The following TMEM236 variants were observed in gnomAD, a reference collection of about 807,000 sequenced individuals.
TMEM236 encodes the protein transmembrane protein 236.
In TMEM236, 11 loss-of-function variants were observed where a neutral mutation model predicts 14.7. The observed-to-expected ratio is 0.75, with a 90% CI of 0.47 to 1.24. The LOEUF is 1.24. TMEM236 is among the 50% of genes most tolerant of loss of function. The pLI is 0.00. For synonymous variants in TMEM236, 182 were observed against 168.6 expected (o/e 1.08, Z -0.62); for missense variants, 464 against 427.3 (o/e 1.09, Z -0.76).
chr10:17,762,574 C>CACAT (rs1837383366), intron 1 of TMEM236, among the ~76,000 whole-genome samples: 1 of 53,064 alleles, frequency 1.9e-5, no homozygotes, highest in Admixed American at 2.5e-4. Flanking sequence ...ATCTGAATTT[C>CACAT]ATATATATAT....
At chr10:17,753,758 A>G (rs1159594962) in intron 1 of TMEM236, among the ~76,000 whole-genome samples, 1 of 152,210 alleles carries the variant, frequency 6.6e-6, no homozygotes, top group Non-Finnish European at 1.5e-5. Context: ...CTTTGGGTAT[A>G]TACCCAGTAT....
chr10:17,786,562 T>C (rs1451896142), intron 3 of TMEM236, among the ~76,000 whole-genome samples: 3 of 152,234 alleles, frequency 2.0e-5, no homozygotes, highest in Non-Finnish European at 4.4e-5. Flanking sequence ...GTGTGTATAC[T>C]AATAGTAAGG....
In TMEM236 at chr10:17,800,124, A is replaced by G. The variant is rs1188427085; in HGVS notation, c.*3620A>G. 1 of 151,658 alleles carries G rather than the reference A, an allele frequency of 6.6e-6. No individual in the cohort carries two copies. Among genetic ancestry groups the G allele is most frequent in the African/African-American group, 2.4e-5 (1 of 41,272 alleles). 9.4% of individuals were successfully genotyped at this position (151,658 alleles called of 1,614,324 possible). On this transcript the variant is annotated 3_prime_UTR_variant, in exon 4 of 4. Transcript: ENST00000377495. ...GTGGTGCATGCCTGTAATCCCAGCTACTCGGGAGGCTGAATCAGAATTGCT... is the reference window on the plus strand; with the variant it reads ...GTGGTGCATGCCTGTAATCCCAGCTGCTCGGGAGGCTGAATCAGAATTGCT...
chr10:17,761,367 G>C (rs1589139518), intron 1 of TMEM236, among the ~76,000 whole-genome samples: 1 of 151,920 alleles, frequency 6.6e-6, no homozygotes, highest in African/African-American at 2.4e-5. Flanking sequence ...TTCCCTCCCA[G>C]TCCTTGTCAA....
At chr10:17,768,038 G>T (rs1589143152) in intron 1 of TMEM236, among the ~76,000 whole-genome samples, 1 of 147,716 alleles carries the variant, frequency 6.8e-6, no homozygotes. Flanking sequence ...AGCCTCCCAA[G>T]TAGCTGCGAC....
chr10:17,754,649 A>G (rs1266197433), intron 1 of TMEM236, among the ~76,000 whole-genome samples: 1 of 152,150 alleles, frequency 6.6e-6, no homozygotes, highest in Non-Finnish European at 1.5e-5. Context: ...AAAAATAAAT[A>G]ATTTACTGTG....
rs918214467 is a variant in TMEM236 at position 17,771,351 on chromosome 10, C to T, written c.300C>T (p.Pro100=). 1.9e-6 allele frequency: 3 copies of T among 1,613,840 alleles called. No homozygotes were observed. The highest frequency in any genetic ancestry group is 1.7e-6 in the Non-Finnish European group (2 of 1,179,854). Residue 100 remains proline, a synonymous_variant, in exon 2 of 4, where the codon CCC becomes CCT. Transcript: ENST00000377495. ...LMMCVVLTTL[P]CLTFSIAVTE... ...TGTGTGTGGTCCTCACCACACTGCC[C>T]TGCCTCACCTTTTCCATAGCAGTGA...
intron 1 of TMEM236, among the ~76,000 whole-genome samples, chr10:17,765,135 T>A (rs1837442011): frequency 6.6e-6 from 1 of 152,048 alleles, no homozygotes; most frequent in Admixed American, 6.6e-5. Flanking sequence ...TTTTCCCTTT[T>A]TAAAAGGACA....
At chr10:17,783,604 A>G (rs1837789168) in intron 3 of TMEM236, among the ~76,000 whole-genome samples, 1 of 152,194 alleles carries the variant, frequency 6.6e-6, no homozygotes, top group Non-Finnish European at 1.5e-5. Flanking sequence ...TCCTTAGGTC[A>G]AATGTTCAGA....
At chr10:17,762,685 C>T (rs1007500467) in intron 1 of TMEM236, among the ~76,000 whole-genome samples, 3 of 140,054 alleles carry the variant, frequency 2.1e-5, no homozygotes, top group Non-Finnish European at 3.0e-5. Flanking sequence ...AGGTTTTTGT[C>T]GAGACAGGGT....
At chr10:17,795,581 C>T (rs1475443477) in intron 3 of TMEM236, among the ~76,000 whole-genome samples, 4 of 152,110 alleles carry the variant, frequency 2.6e-5, no homozygotes, top group Admixed American at 1.3e-4. Flanking sequence ...TGTGCTACTT[C>T]AGTGTTATCT....
chr10:17,755,534 A>G (rs1289095006), intron 1 of TMEM236, among the ~76,000 whole-genome samples: 1 of 152,124 alleles, frequency 6.6e-6, no homozygotes, highest in Non-Finnish European at 1.5e-5. Context: ...GAAATAAAGC[A>G]TTATGTTGTT....
At chr10:17,770,824 G>GT (rs1212707544) in intron 1 of TMEM236, among the ~76,000 whole-genome samples, 21 of 150,658 alleles carry the variant, frequency 1.4e-4, no homozygotes, top group South Asian at 6.6e-4. Flanking sequence ...TGTGTGTATG[G>GT]TTTTTTTTGG....
chr10:17,771,844 A>G (rs1837578157), intron 2 of TMEM236, among the ~76,000 whole-genome samples: 2 of 152,240 alleles, frequency 1.3e-5, no homozygotes, highest in Admixed American at 6.5e-5. Context: ...TTGACTAAAT[A>G]TAGCTTCAAA....
chr10:17,753,929 G>A (rs1022785746), intron 1 of TMEM236, among the ~76,000 whole-genome samples: 19 of 152,198 alleles, frequency 1.2e-4, no homozygotes, highest in Admixed American at 2.6e-4. Flanking sequence ...TGAGCAGAGC[G>A]TAAGGATAGA....
rs2130545760 is a variant in TMEM236 at position 17,799,062 on chromosome 10, G to A, written c.*2558G>A. The A allele has an allele frequency of 5.2e-6, 1 of 191,006 alleles. No homozygotes were observed. The highest frequency in any genetic ancestry group is 5.4e-5 in the Admixed American group (1 of 18,630). 11.8% of individuals were successfully genotyped at this position (191,006 alleles called of 1,614,324 possible). ...TATTGTATTCAAAAGTGATCGATCTGCTGAATATATAAATTAAAATGGACA... is the reference window on the plus strand; with the variant it reads ...TATTGTATTCAAAAGTGATCGATCTACTGAATATATAAATTAAAATGGACA... On this transcript the variant is annotated 3_prime_UTR_variant, in exon 4 of 4. Coordinates refer to ENST00000377495, the MANE Select transcript of TMEM236 (RefSeq NM_001098844.3).
chr10:17,783,347 G>A (rs1382336447), intron 3 of TMEM236, among the ~76,000 whole-genome samples: 1 of 152,164 alleles, frequency 6.6e-6, no homozygotes, highest in Middle Eastern at 3.2e-3. Flanking sequence ...AGGGAGAGCC[G>A]CATGGTCAGA....
chr10:17,773,835 A>T (rs1375374745), intron 2 of TMEM236, among the ~76,000 whole-genome samples: 1 of 152,134 alleles, frequency 6.6e-6, no homozygotes, highest in Admixed American at 6.5e-5. Context: ...TTTTTTGATT[A>T]TATGTATTGC....
chr10:17,770,891 C>T (rs1837560361), intron 1 of TMEM236, among the ~76,000 whole-genome samples: 1 of 152,050 alleles, frequency 6.6e-6, no homozygotes, highest in Non-Finnish European at 1.5e-5. Context: ...AATAGTTTAT[C>T]ATCTCTAAAT....
Sources: gnomAD v4.1 joint callset for allele counts (sites outside exome capture counted in the v4.1 genomes callset) on GRCh38, gnomAD v4.1.1 for gene constraint, MANE v1.5 for transcripts, NCBI Gene and HGNC (gene_info 2026-07-23, HGNC 2026-07-21) for gene names.